Variants in HDAC4 observed in about 807,000 individuals in gnomAD.
HDAC4 encodes the protein histone deacetylase A.
Under a neutral mutation model 135.1 loss-of-function variants are expected in HDAC4, and 16 were observed. The observed-to-expected ratio is 0.12, with a 90% CI of 0.08 to 0.18. The LOEUF (loss-of-function observed/expected upper bound fraction) is 0.18. HDAC4 is among the 10% of genes least tolerant of loss of function. The pLI is 1.00. For synonymous variants in HDAC4, 685 were observed against 653.4 expected (o/e 1.05, Z -0.74); for missense variants, 1,143 against 1,511.8 (o/e 0.76, Z 4.05).
rs57574096 is a variant in HDAC4, at chr2:239,384,673, C to T, written c.-220+16305G>A. On this transcript the variant is annotated intron_variant, in intron 1 of 26. Coordinates refer to ENST00000543185, the MANE Select transcript of HDAC4 (RefSeq NM_001378414.1). ...AGAGAAGGGAAAACTGCCCTGCATC[C>T]GAAGGAATGGGTCCTAGGCGGCAAC... Among the ~76,000 whole-genome samples the T allele has an allele frequency of 3.0e-4, 46 of 152,194 alleles. 1 individual carries two copies. Among genetic ancestry groups the T allele is most frequent in the African/African-American group, 9.1e-4 (38 of 41,538 alleles).
intron 22 of HDAC4, among the ~76,000 whole-genome samples, chr2:239,070,641 C>T (rs938436711): frequency 3.3e-5 from 5 of 152,194 alleles, no homozygotes; most frequent in South Asian, 2.1e-4. Context: ...CCTTTCCTGG[C>T]GGACAGCAAG....
chr2:239,158,704 T>C (rs2042579536), intron 6 of HDAC4, among the ~76,000 whole-genome samples: 1 of 151,838 alleles, frequency 6.6e-6, no homozygotes, highest in Admixed American at 6.6e-5. Context: ...GAGCACACCA[T>C]GCAGAGCCCG....
In HDAC4 at chr2:239,115,345, G is replaced by C; in HGVS notation, c.1534-35C>G. ...GGAGGTAACACATGAAGCACAGAGA[G>C]CTGGGTCCTCTGAGCTCATCTGACA... On this transcript the variant is annotated intron_variant, in intron 12 of 26. Transcript: ENST00000543185. This position sits in a 1 kb window ranked among gnomAD's most constrained non-coding sequence, Gnocchi z 6.3. The C allele has an allele frequency of 1.2e-6, 2 of 1,612,232 alleles. No individual in the cohort carries two copies. Among genetic ancestry groups the C allele is most frequent in the Non-Finnish European group, 1.7e-6 (2 of 1,179,566 alleles).
chr2:239,343,643 T>C (rs1358131488), intron 2 of HDAC4, among the ~76,000 whole-genome samples: 1 of 152,176 alleles, frequency 6.6e-6, no homozygotes, highest in Non-Finnish European at 1.5e-5. Flanking sequence ...CCCATCCCTC[T>C]CGTGGCATGA....
Position 239,068,675 on chromosome 2 carries a change from A to ACTT in HDAC4, c.2751-69_2751-68insAAG. The stretch of plus-strand genomic sequence containing the variant: ...GGGACGGGACGGTCACAAAACCCCA[A>ACTT]GGTTCCCTCTGGCATTGATAATGCC... On this transcript the variant is annotated intron_variant, in intron 22 of 26. Coordinates refer to ENST00000543185, the MANE Select transcript of HDAC4 (RefSeq NM_001378414.1). The surrounding 1 kb of genome is among the most constrained non-coding windows in gnomAD (Gnocchi z 4.4). The ACTT allele has an allele frequency of 7.3e-7, 1 of 1,366,772 alleles. No individual in the cohort carries two copies. Among genetic ancestry groups the ACTT allele is most frequent in the Non-Finnish European group, 1.0e-6 (1 of 955,726 alleles). 84.7% of individuals were successfully genotyped at this position (1,366,772 alleles called of 1,614,324 possible). A position where few individuals can be genotyped will look rare whatever the true frequency, so the allele number is the denominator to read the frequency against.
At position 239,068,456 on chromosome 2, in the gene HDAC4, A is replaced by G. The variant is rs200017408; in HGVS notation, c.2869+33T>C. 9.0e-5 allele frequency: 131 copies of G among 1,458,978 alleles called. No homozygotes were observed. The highest frequency in any genetic ancestry group is 1.2e-4 in the Non-Finnish European group (126 of 1,038,698). The allele number at this position is 1,458,978 out of a possible 1,614,324, so 90.4% of individuals were successfully genotyped here. On this transcript the variant is annotated intron_variant, in intron 23 of 26. Coordinates refer to ENST00000543185, the MANE Select transcript of HDAC4 (RefSeq NM_001378414.1). This position sits in a 1 kb window ranked among gnomAD's most constrained non-coding sequence, Gnocchi z 4.4. ...ACAGCGGATCATGGACATGAGCAGAACCGGCTCCTCAGTCATATGCAGAAC... is the reference window on the plus strand; with the variant it reads ...ACAGCGGATCATGGACATGAGCAGAGCCGGCTCCTCAGTCATATGCAGAAC...
At position 239,053,698 on chromosome 2, in the gene HDAC4, A is replaced by T. The variant is rs1461421010; in HGVS notation, c.3089-97T>A. Reference sequence around the variant, plus strand: ...CCTGCGGGACCCTGAGCCTCAAACCAGATTGATCCCTTATGATTTTAAAAG... The same window carrying T: ...CCTGCGGGACCCTGAGCCTCAAACCTGATTGATCCCTTATGATTTTAAAAG... On this transcript the variant is annotated intron_variant, in intron 25 of 26. Coordinates refer to ENST00000543185, the MANE Select transcript of HDAC4 (RefSeq NM_001378414.1). The T allele has an allele frequency of 4.0e-6, 4 of 1,000,590 alleles. No homozygotes were observed. The African/African-American group carries it at 6.4e-5, about 16-fold the overall frequency. The allele number at this position is 1,000,590 out of a possible 1,614,324, so 62.0% of individuals were successfully genotyped here. A position where few individuals can be genotyped will look rare whatever the true frequency, so the allele number is the denominator to read the frequency against.
chr2:239,384,451 C>CAAAAA (rs5839742), intron 1 of HDAC4, among the ~76,000 whole-genome samples: 1 of 95,084 alleles, frequency 1.1e-5, no homozygotes, highest in Admixed American at 1.1e-4. Context: ...CCTGTCTCTA[C>CAAAAA]AAAAAAAAAA....
Position 239,303,761 on chromosome 2 carries a change from C to T in HDAC4, c.22+48917G>A, listed in dbSNP as rs1377907951. Among the ~76,000 whole-genome samples, 1 of 152,282 alleles carries T rather than the reference C, an allele frequency of 6.6e-6. No individual in the cohort carries two copies. The highest frequency in any genetic ancestry group is 1.5e-5 in the Non-Finnish European group (1 of 68,024). On this transcript the variant is annotated intron_variant, in intron 2 of 26. Coordinates refer to ENST00000543185, the MANE Select transcript of HDAC4 (RefSeq NM_001378414.1). This position sits in a 1 kb window ranked among gnomAD's most constrained non-coding sequence, Gnocchi z 5.1. ...GGCCTCACCCCTCACTCTTCAAAAG[C>T]GACTGCGACAGCTGCATCCCCCGTG... is the stretch of plus-strand genomic sequence containing the variant.
chr2:239,320,382 C>CAA (rs11343522), intron 2 of HDAC4, among the ~76,000 whole-genome samples: 63 of 61,152 alleles, frequency 1.0e-3, no homozygotes, highest in African/African-American at 2.7e-3. Flanking sequence ...GACTTCATCT[C>CAA]AAAAAAAAAA....
At chr2:239,100,587 C>T (rs977236052) in intron 16 of HDAC4, among the ~76,000 whole-genome samples, 9 of 152,144 alleles carry the variant, frequency 5.9e-5, no homozygotes, top group African/African-American at 1.9e-4. Context: ...GGCCCTGGGT[C>T]CTCCTTGGTT....
intron 3 of HDAC4, among the ~76,000 whole-genome samples, chr2:239,198,193 C>T (rs1420009128): frequency 6.6e-6 from 1 of 152,172 alleles, no homozygotes; most frequent in Non-Finnish European, 1.5e-5. Context: ...TCCACCGTCC[C>T]TGCAAAAGCC....
intron 2 of HDAC4, among the ~76,000 whole-genome samples, chr2:239,260,130 G>A (rs991913332): frequency 6.6e-6 from 1 of 152,256 alleles, no homozygotes; most frequent in Non-Finnish European, 1.5e-5. Flanking sequence ...TCAGCTGAAA[G>A]ACAGAGGTTG....
rs118001086 is a variant in HDAC4 at position 239,151,770 on chromosome 2, T to C, written c.733+4882A>G. On this transcript the variant is annotated intron_variant, in intron 7 of 26. Transcript: ENST00000543185. ...TCACCAAACGTGAGCTCTGGGATTT[T>C]GCTTCCTTAAAAGAGCCAGGACAAT... Among the ~76,000 whole-genome samples, 48 of 152,352 alleles carry C rather than the reference T, an allele frequency of 3.2e-4. No individual in the cohort carries two copies. In the East Asian group the frequency reaches 9.1e-3, roughly 29 times the overall value.
In HDAC4 at chr2:239,292,214, C is replaced by T. The variant is rs933538065; in HGVS notation, c.23-55550G>A. ...GTCAGTGTGGCTGGGGACTCCCAGC[C>T]GGGCAGGTGCTGCAATGCGCTGGCT... is the stretch of plus-strand genomic sequence containing the variant. On this transcript the variant is annotated intron_variant, in intron 2 of 26. Coordinates refer to ENST00000543185, the MANE Select transcript of HDAC4 (RefSeq NM_001378414.1). Among the ~76,000 whole-genome samples, 8 of 152,328 alleles carry T rather than the reference C, an allele frequency of 5.3e-5. No homozygotes were observed. The East Asian group carries it at 1.4e-3, about 26-fold the overall frequency.
At chr2:239,298,517 G>C in intron 2 of HDAC4, 1 of 1,047,432 alleles carries the variant, frequency 9.5e-7, no homozygotes, top group African/African-American at 1.7e-5. Flanking sequence ...CACTCTACAG[G>C]GGCCTCCTCA....
chr2:239,068,402 T>C lies in HDAC4; in HGVS notation c.2869+87A>G. On this transcript the variant is annotated intron_variant, in intron 23 of 26. Coordinates refer to ENST00000543185, the MANE Select transcript of HDAC4 (RefSeq NM_001378414.1). This position sits in a 1 kb window ranked among gnomAD's most constrained non-coding sequence, Gnocchi z 4.4. ...AAAAAGGTGCCCTTCCTTATCTCGT[T>C]ATTAAAAAGGGGACCTGACACGCGG... The C allele has an allele frequency of 1.0e-6, 1 of 973,110 alleles. No individual in the cohort carries two copies. Among genetic ancestry groups the C allele is most frequent in the South Asian group, 1.3e-5 (1 of 77,230 alleles). 60.3% of individuals were successfully genotyped at this position (973,110 alleles called of 1,614,324 possible).
At chr2:239,296,841 A>G (rs2051925513) in intron 2 of HDAC4, among the ~76,000 whole-genome samples, 1 of 151,990 alleles carries the variant, frequency 6.6e-6, no homozygotes, top group Non-Finnish European at 1.5e-5. Flanking sequence ...TTAATGATTA[A>G]TGATTAAACT....
intron 19 of HDAC4, among the ~76,000 whole-genome samples, chr2:239,086,120 C>T (rs1171696859): frequency 1.2e-4 from 5 of 42,786 alleles, no homozygotes; most frequent in Non-Finnish European, 2.1e-4. Context: ...GGAGACTCTG[C>T]TCTAACACGC....
Sources: gnomAD v4.1 joint callset for allele counts (sites outside exome capture counted in the v4.1 genomes callset) on GRCh38, gnomAD v4.1.1 for gene constraint, Gnocchi (gnomAD v3.1) non-coding constraint, MANE v1.5 for transcripts, NCBI Gene and HGNC (gene_info 2026-07-23, HGNC 2026-07-21) for gene names.